The following ROBO2 variants were observed in gnomAD, a reference collection of about 807,000 sequenced individuals.
ROBO2 encodes roundabout guidance receptor 2.
A neutral mutation model predicts 160.8 loss-of-function variants in ROBO2; 53 were observed. That is an observed-to-expected ratio of 0.33 (90% CI 0.26 to 0.41). The LOEUF is 0.41. Among genes scored for constraint, ROBO2 ranks in the 10% least tolerant of loss-of-function variants. ROBO2 has a pLI of 1.00. For missense variants in ROBO2, 1,577 were observed against 1,722.4 expected (o/e 0.92, Z 1.49); for synonymous variants, 664 against 611.7 (o/e 1.09, Z -1.26).
At chr3:76,789,913 T>C (rs990346827) in intron 2 of ROBO2, among the ~76,000 whole-genome samples, 9 of 151,694 alleles carry the variant, frequency 5.9e-5, no homozygotes, top group African/African-American at 2.2e-4. Flanking sequence ...ATTTGGAAAG[T>C]AATTTGTAGA....
chr3:76,333,535 A>C (rs1378067131), intron 2 of ROBO2, among the ~76,000 whole-genome samples: 1 of 152,194 alleles, frequency 6.6e-6, no homozygotes, highest in Non-Finnish European at 1.5e-5. Flanking sequence ...CTTAATAAAA[A>C]GATGTGGTTG....
At chr3:76,771,122 C>T (rs1195077061) in intron 2 of ROBO2, among the ~76,000 whole-genome samples, 2 of 151,104 alleles carry the variant, frequency 1.3e-5, no homozygotes, top group Non-Finnish European at 3.0e-5. Context: ...TTCAAAAGAC[C>T]GTGCTGTTAA....
chr3:77,490,499 T>C (rs1199422240), intron 4 of ROBO2, among the ~76,000 whole-genome samples: 1 of 152,208 alleles, frequency 6.6e-6, no homozygotes, highest in Admixed American at 6.5e-5. Context: ...TGTAATTTGA[T>C]AGCTATATCT....
intron 2 of ROBO2, among the ~76,000 whole-genome samples, chr3:77,312,337 A>G (rs2063620041): frequency 6.6e-6 from 1 of 152,138 alleles, no homozygotes; most frequent in African/African-American, 2.4e-5. Context: ...ATCTTGTATC[A>G]TATCATTCAT....
chr3:76,278,945 T>C (rs1708084150), intron 2 of ROBO2, among the ~76,000 whole-genome samples: 1 of 151,962 alleles, frequency 6.6e-6, no homozygotes, highest in Admixed American at 6.6e-5. Context: ...ATAAAGGTGA[T>C]TCTATTTGAT....
At chr3:77,517,446 G>A (rs974837428) in intron 5 of ROBO2, among the ~76,000 whole-genome samples, 4 of 151,668 alleles carry the variant, frequency 2.6e-5, no homozygotes, top group Middle Eastern at 3.4e-3. Flanking sequence ...TTTAAACACC[G>A]TAAATAAATA....
At chr3:76,221,527 A>T (rs71195254) in intron 2 of ROBO2, among the ~76,000 whole-genome samples, 47,799 of 152,120 alleles carry the variant, frequency 0.31, 8,712 homozygotes, top group Non-Finnish European at 0.4. Context: ...TTGATTCCTG[A>T]ACCCATTAAT....
chr3:76,478,831 T>C (rs1418069178), intron 2 of ROBO2, among the ~76,000 whole-genome samples: 1 of 151,918 alleles, frequency 6.6e-6, no homozygotes, highest in Non-Finnish European at 1.5e-5. Context: ...TGTCACCTCA[T>C]CTGGCTAATT....
At chr3:77,052,016 G>T (rs184868740) in intron 1 of ROBO2, among the ~76,000 whole-genome samples, 84 of 152,292 alleles carry the variant, frequency 5.5e-4, no homozygotes, top group Middle Eastern at 3.4e-3. Flanking sequence ...AAATGCAAAA[G>T]AACATGTGTC....
At chr3:76,798,926 A>C (rs1004668093) in intron 2 of ROBO2, among the ~76,000 whole-genome samples, 1 of 151,160 alleles carries the variant, frequency 6.6e-6, no homozygotes, top group African/African-American at 2.4e-5. Context: ...CAAACCCTGG[A>C]TATAGCAGGA....
chr3:75,997,586 G>A (rs746633502), intron 2 of ROBO2, among the ~76,000 whole-genome samples: 10 of 145,266 alleles, frequency 6.9e-5, no homozygotes, highest in Non-Finnish European at 1.0e-4. Context: ...TCTGCCTCCC[G>A]GGTTCATGCC....
At chr3:76,025,095 T>A (rs1345432414) in intron 2 of ROBO2, among the ~76,000 whole-genome samples, 2 of 151,454 alleles carry the variant, frequency 1.3e-5, no homozygotes, top group Non-Finnish European at 3.0e-5. Context: ...TAGAAAAAAA[T>A]AATAAAATAC....
chr3:76,752,094 A>G (rs13092892), intron 2 of ROBO2, among the ~76,000 whole-genome samples: 47,759 of 152,074 alleles, frequency 0.31, 9,299 homozygotes, highest in Non-Finnish European at 0.43. Context: ...CATATACAGC[A>G]TGGAATACTA....
At chr3:77,431,301 G>A (rs1360918160) in intron 2 of ROBO2, among the ~76,000 whole-genome samples, 1 of 152,126 alleles carries the variant, frequency 6.6e-6, no homozygotes, top group Non-Finnish European at 1.5e-5. Flanking sequence ...TTTCAGGAAT[G>A]TGTCCTTTGA....
chr3:77,252,547 C>T (rs1457024654), intron 2 of ROBO2, among the ~76,000 whole-genome samples: 3 of 151,730 alleles, frequency 2.0e-5, no homozygotes, highest in Non-Finnish European at 2.9e-5. Context: ...GTGGCTCACA[C>T]CTGTAATCCC....
At chr3:77,203,572 A>C (rs371828229) in intron 2 of ROBO2, among the ~76,000 whole-genome samples, 1 of 152,356 alleles carries the variant, frequency 6.6e-6, no homozygotes, top group Admixed American at 6.5e-5. Flanking sequence ...TCTCTGTAAA[A>C]GTTACTGAAT....
chr3:76,375,674 A>G (rs2076309166), intron 2 of ROBO2, among the ~76,000 whole-genome samples: 2 of 152,020 alleles, frequency 1.3e-5, no homozygotes, highest in Non-Finnish European at 2.9e-5. Context: ...AACATAGAAG[A>G]TAGATTAAAA....
intron 2 of ROBO2, among the ~76,000 whole-genome samples, chr3:77,377,634 T>C (rs1281348968): frequency 2.6e-5 from 4 of 152,184 alleles, no homozygotes; most frequent in Non-Finnish European, 4.4e-5. Flanking sequence ...ATGAAAGATA[T>C]GAGACCTCGA....
At chr3:76,835,527 G>A (rs2067612091) in intron 2 of ROBO2, among the ~76,000 whole-genome samples, 1 of 150,436 alleles carries the variant, frequency 6.6e-6, no homozygotes, top group Non-Finnish European at 1.5e-5. Context: ...TACATACACA[G>A]TCACAAACAA....
Sources: allele counts gnomAD v4.1 joint callset (sites outside exome capture counted in the v4.1 genomes callset), GRCh38; gene constraint gnomAD v4.1.1; transcripts MANE v1.5; gene names NCBI Gene and HGNC (gene_info 2026-07-23, HGNC 2026-07-21).